Variants in LCORL observed in about 807,000 individuals in gnomAD.
LCORL encodes the protein ligand dependent nuclear receptor corepressor like, also known as ligand-dependent nuclear receptor corepressor-like protein.
A neutral mutation model predicts 141.8 loss-of-function variants in LCORL; 41 were observed. The ratio of observed to expected loss-of-function variants is 0.29; its 90% CI spans 0.23 to 0.38. LCORL has a LOEUF of 0.38. Among genes scored for constraint, LCORL ranks in the 10% least tolerant of loss-of-function variants. The probability of loss-of-function intolerance (pLI) is 1.00; values close to 1 mark genes in which losing one functional copy is unlikely to be tolerated. For synonymous variants in LCORL, 618 were observed against 694.1 expected, an observed-to-expected ratio of 0.89 and a Z score of 1.72; for missense variants, 1,759 against 2,035.0, an observed-to-expected ratio of 0.86 and a Z score of 2.61.
chr4:17,910,231 A>G (rs181770721), intron 4 of LCORL, among the ~76,000 whole-genome samples: 3 of 152,310 alleles, frequency 2.0e-5, no homozygotes, highest in Non-Finnish European at 4.4e-5. Flanking sequence ...ACTTATATAC[A>G]CAGTGCACAA....
chr4:17,980,515 C>T (rs1040456132), intron 1 of LCORL, among the ~76,000 whole-genome samples: 16 of 152,224 alleles, frequency 1.1e-4, no homozygotes, highest in Admixed American at 8.5e-4. Flanking sequence ...AACACAAATA[C>T]GTGGTACTCA....
chr4:18,015,113 A>C (rs193010987), intron 1 of LCORL, among the ~76,000 whole-genome samples: 1 of 152,242 alleles, frequency 6.6e-6, no homozygotes, highest in Admixed American at 6.5e-5. Context: ...AAAAATCTAT[A>C]TATCTTTGTT....
In LCORL at chr4:18,021,815, AGCCCTCGGCGCGAGCCCCGGAGCGCGC is replaced by A. The variant is rs1407303995; in HGVS notation, c.-91_-65del. 203 of 1,306,924 alleles carry A rather than the reference AGCCCTCGGCGCGAGCCCCGGAGCGCGC, an allele frequency of 1.6e-4. No individual in the cohort carries two copies. The highest frequency in any genetic ancestry group is 2.0e-4 in the Non-Finnish European group (197 of 1,007,414). 81.0% of individuals were successfully genotyped at this position (1,306,924 alleles called of 1,614,324 possible). The stretch of plus-strand genomic sequence containing the variant: ...AGCGCAGGCACGAGGCAGGGGCGCG[AGCCCTCGGCGCGAGCCCCGGAGCGCGC>A]GCCCCCCGGAGGGGGGTTGATTGAC... On this transcript the variant is annotated 5_prime_UTR_variant, in exon 1 of 8. Coordinates refer to ENST00000635767, the Ensembl canonical transcript of LCORL. This position sits in a 1 kb window ranked among gnomAD's most constrained non-coding sequence, Gnocchi z 5.5.
chr4:17,985,890 G>C (rs1489005753), intron 1 of LCORL, among the ~76,000 whole-genome samples: 1 of 152,062 alleles, frequency 6.6e-6, no homozygotes, highest in East Asian at 1.9e-4. Flanking sequence ...TCTTGTATTG[G>C]CTAGTAATGA....
chr4:17,885,401 T>TACG (rs1728131663), intron 6 of LCORL, among the ~76,000 whole-genome samples: 1 of 151,970 alleles, frequency 6.6e-6, no homozygotes, highest in Non-Finnish European at 1.5e-5. Flanking sequence ...ACGACTCAAA[T>TACG]ACTACTACAG....
chr4:17,894,204 T>G (rs1341830757), intron 5 of LCORL, among the ~76,000 whole-genome samples: 1 of 152,206 alleles, frequency 6.6e-6, no homozygotes, highest in Non-Finnish European at 1.5e-5. Context: ...TGCATTTATA[T>G]CCCAATACAC....
chr4:17,990,230 C>G (rs1203003093), intron 1 of LCORL, among the ~76,000 whole-genome samples: 5 of 151,358 alleles, frequency 3.3e-5, no homozygotes, highest in Non-Finnish European at 5.9e-5. Flanking sequence ...TTCCGTGTAG[C>G]TGGGACTACA....
At chr4:17,880,992 A>G (rs1727490867) in intron 6 of LCORL, 2 of 983,488 alleles carry the variant, frequency 2.0e-6, no homozygotes, top group African/African-American at 1.8e-5. Flanking sequence ...TACTGCAATT[A>G]AAAAACAAAT....
intron 1 of LCORL, among the ~76,000 whole-genome samples, chr4:18,012,386 T>C (rs542137813): frequency 1.3e-5 from 2 of 152,328 alleles, no homozygotes; most frequent in Admixed American, 6.5e-5. Flanking sequence ...AGTAGGGCAA[T>C]CTAATGTCTA....
At chr4:17,865,427 C>A (rs1359121284) in intron 7 of LCORL, among the ~76,000 whole-genome samples, 1 of 152,114 alleles carries the variant, frequency 6.6e-6, no homozygotes, top group East Asian at 1.9e-4. Flanking sequence ...TTCCTGGGCT[C>A]AAGTAATCTT....
At chr4:17,898,367 T>C (rs1730317567) in intron 5 of LCORL, among the ~76,000 whole-genome samples, 1 of 152,166 alleles carries the variant, frequency 6.6e-6, no homozygotes, top group Non-Finnish European at 1.5e-5. Context: ...TACTTCAAGT[T>C]TTTGGGATTG....
intron 1 of LCORL, among the ~76,000 whole-genome samples, chr4:18,014,570 C>T (rs190418071): frequency 5.3e-5 from 8 of 151,748 alleles, no homozygotes; most frequent in Admixed American, 3.3e-4. Flanking sequence ...AAAAGTAAGA[C>T]GCAAATGTAG....
exon 7 of LCORL, chr4:17,874,208 T>C: frequency 8.1e-7 from 1 of 1,234,016 alleles, no homozygotes. Flanking sequence ...CAGTCCTTTT[T>C]AATCTAGCTA....
rs543117567 is a variant in LCORL, at chr4:17,987,109, G to A, written c.155-14224C>T. 2.6e-5 allele frequency among the ~76,000 whole-genome samples: 4 copies of A among 152,096 alleles called. No homozygotes were observed. In the South Asian group the frequency reaches 8.3e-4, roughly 32 times the overall value. Reference sequence around the variant, plus strand: ...TAATTTTCTTATAAACTTATAAACGGTATAAAACAGAAAATCAATTTTATC... The same window carrying A: ...TAATTTTCTTATAAACTTATAAACGATATAAAACAGAAAATCAATTTTATC... On this transcript the variant is annotated intron_variant, in intron 1 of 7. Coordinates refer to ENST00000635767, the Ensembl canonical transcript of LCORL.
chr4:17,963,080 T>C lies in LCORL; in HGVS notation c.221-31A>G, dbSNP rs371509343. 5.8e-4 allele frequency: 719 copies of C among 1,244,244 alleles called. 1 individual carries two copies. The highest frequency in any genetic ancestry group is 7.6e-4 in the Non-Finnish European group (667 of 874,258). The allele number at this position is 1,244,244 out of a possible 1,614,324, so 77.1% of individuals were successfully genotyped here. A position where few individuals can be genotyped will look rare whatever the true frequency, so the allele number is the denominator to read the frequency against. On this transcript the variant is annotated intron_variant, in intron 2 of 7. Transcript: ENST00000635767. ...AAAGAGGGAAAAAATTCATTAAATA[T>C]ACTAACTTTATTAAAACAAATAAAA...
rs560922117 is a variant in LCORL at position 18,003,738 on chromosome 4, C to A, written c.154+17860G>T. ...CACTATATGTCAAAGCTACAGGGAT[C>A]TAAGACCTACAATTTTGAAGCACGT... On this transcript the variant is annotated intron_variant, in intron 1 of 7. Coordinates refer to ENST00000635767, the Ensembl canonical transcript of LCORL. Among the ~76,000 whole-genome samples, 11 of 152,292 alleles carry A rather than the reference C, an allele frequency of 7.2e-5. No individual in the cohort carries two copies. In the South Asian group the frequency reaches 2.3e-3, roughly 32 times the overall value.
chr4:17,873,959 A>G, exon 7 of LCORL: 1 of 1,234,072 alleles, frequency 8.1e-7, no homozygotes, highest in Non-Finnish European at 1.0e-6. Context: ...TTTTGAAGTC[A>G]GGCATTACTA....
At chr4:18,000,626 T>A (rs545270261) in intron 1 of LCORL, among the ~76,000 whole-genome samples, 10 of 152,322 alleles carry the variant, frequency 6.6e-5, no homozygotes, top group Admixed American at 6.5e-4. Flanking sequence ...ACCACATGAA[T>A]GAATTACATA....
chr4:17,855,384 C>T (rs1346352060), intron 7 of LCORL, among the ~76,000 whole-genome samples: 1 of 152,168 alleles, frequency 6.6e-6, no homozygotes, highest in Non-Finnish European at 1.5e-5. Context: ...ATCTAAAACA[C>T]TGCCAACCAA....
Sources: gnomAD v4.1 joint callset for allele counts (sites outside exome capture counted in the v4.1 genomes callset) on GRCh38, gnomAD v4.1.1 for gene constraint, Gnocchi (gnomAD v3.1) non-coding constraint, MANE v1.5 for transcripts, NCBI Gene and HGNC (gene_info 2026-07-23, HGNC 2026-07-21) for gene names.